The following LAMB2 variants were observed in gnomAD, a reference collection of about 807,000 sequenced individuals.
LAMB2 encodes the protein laminin subunit beta 2, also known as laminin subunit beta-2.
A neutral mutation model predicts 202.7 loss-of-function variants in LAMB2; 119 were observed. That is an observed-to-expected ratio of 0.59 (90% CI 0.51 to 0.68). The LOEUF (loss-of-function observed/expected upper bound fraction) is 0.68, where lower values mean the gene tolerates loss of function less well. LAMB2 is among the 30% of genes least tolerant of loss of function. The pLI, the probability that LAMB2 is intolerant of heterozygous loss-of-function variation, is 0.00. For missense variants in LAMB2, 2,124 were observed against 2,410.6 expected (o/e 0.88, Z 2.49); for synonymous variants, 818 against 902.2 (o/e 0.91, Z 1.67).
In LAMB2 at chr3:49,129,588, C is replaced by T. The variant is rs1308218003; in HGVS notation, c.1518+16G>A. On this transcript the variant is annotated intron_variant, in intron 11 of 31. Coordinates refer to ENST00000305544, the MANE Select transcript of LAMB2 (RefSeq NM_002292.4). The surrounding 1 kb of genome is among the most constrained non-coding windows in gnomAD (Gnocchi z 6.1). ...ACAAATCATGCCCCTAGAACTCCAGCCCCTTCCAGTCGCACCAGGCAGCGG... is the reference window on the plus strand; with the variant it reads ...ACAAATCATGCCCCTAGAACTCCAGTCCCTTCCAGTCGCACCAGGCAGCGG... 8.1e-6 allele frequency: 13 copies of T among 1,595,684 alleles called. No homozygotes were observed. The highest frequency in any genetic ancestry group is 1.1e-5 in the Non-Finnish European group (13 of 1,163,628).
At chr3:49,124,161 A>G in intron 23 of LAMB2, 29 bp downstream of exon 23, 1 of 1,614,118 alleles carries the variant, frequency 6.2e-7, no homozygotes, top group Non-Finnish European at 8.5e-7. Context: ...GAAGTCCTCC[A>G]TCTACCCTGG....
chr3:49,132,857 G>A lies in LAMB2; in HGVS notation c.11C>T (p.Thr4Ile), dbSNP rs775246296. Residue 4 changes from threonine to isoleucine, a missense_variant, in exon 1 of 32, where the codon ACC becomes ATC. Physicochemically the swap from Thr to Ile is moderately conservative, Grantham distance 89 (BLOSUM62 -1). This residue lies in a region of LAMB2 where 166 missense variants were observed against 158.2 expected (regional missense o/e 1.05). Coordinates refer to ENST00000305544, the MANE Select transcript of LAMB2 (RefSeq NM_002292.4). This position sits in a 1 kb window ranked among gnomAD's most constrained non-coding sequence, Gnocchi z 4.6. MEL[T>I]SRERGRGQPL... is the part of the protein sequence containing the mutation. ...CTGTCCCCTCCCTCTTTCCCTTGAG[G>A]TCAGCTCCATCCTGAAGAGGGGAAC... is the stretch of plus-strand genomic sequence containing the variant. The A allele has an allele frequency of 4.3e-6, 7 of 1,614,110 alleles. No individual in the cohort carries two copies. Among genetic ancestry groups the A allele is most frequent in the South Asian group, 1.1e-5 (1 of 91,086 alleles).
chr3:49,132,308 G>A lies in LAMB2; in HGVS notation c.347C>T (p.Ala116Val). Reference sequence around the variant, plus strand: ...CCACCAGGCTGCCCGCCGCTGTGGTGCAAAGCTGGTGACTACATTCTGGAT... The same window carrying A: ...CCACCAGGCTGCCCGCCGCTGTGGTACAAAGCTGGTGACTACATTCTGGAT... ...HRIQNVVTSFAPQRRAAWWQS... is the reference protein window; with the variant it reads ...HRIQNVVTSFVPQRRAAWWQS... The change falls in exon 3 of 32, where the codon GCA (alanine) becomes GTA (valine). Residue 116 changes from alanine (A) to valine (V), a missense_variant. Physicochemically the swap from Ala to Val is moderately conservative, Grantham distance 64 (BLOSUM62 0). Around this residue, in one of 3 missense-constraint regions of LAMB2, gnomAD observed 166 missense variants for 158.2 expected, o/e 1.05. Coordinates refer to ENST00000305544, the MANE Select transcript of LAMB2 (RefSeq NM_002292.4). This position sits in a 1 kb window ranked among gnomAD's most constrained non-coding sequence, Gnocchi z 4.6. 6.2e-7 allele frequency: 1 copy of A among 1,614,246 alleles called. No individual in the cohort carries two copies. Among genetic ancestry groups the A allele is most frequent in the South Asian group, 1.1e-5 (1 of 91,088 alleles).
rs1466501861 is a variant in LAMB2 at position 49,123,540 on chromosome 3, G to A, written c.3889C>T (p.Leu1297=). 1 of 1,614,212 alleles carries A rather than the reference G, an allele frequency of 6.2e-7. No homozygotes were observed. Among genetic ancestry groups the A allele is most frequent in the Non-Finnish European group, 8.5e-7 (1 of 1,180,030 alleles). ...AGCCTATCTCGCTCCAGACCACTTAGTGCATGGTTGGCATTGAAGTTCTCA... is the reference window on the plus strand; with the variant it reads ...AGCCTATCTCGCTCCAGACCACTTAATGCATGGTTGGCATTGAAGTTCTCA... ...QDENFNANHA[L]SGLERDRLAL... is the part of the protein sequence containing the mutation. Residue 1297 remains leucine (L), a synonymous_variant, in exon 25 of 32, where the codon CTA becomes TTA. Transcript: ENST00000305544.
In LAMB2 at chr3:49,132,642, T is replaced by G; in HGVS notation, c.98A>C (p.Gln33Pro). 1 of 1,614,064 alleles carries G rather than the reference T, an allele frequency of 6.2e-7. No individual in the cohort carries two copies. Among genetic ancestry groups the G allele is most frequent in the Non-Finnish European group, 8.5e-7 (1 of 1,180,024 alleles). The change falls in exon 2 of 32, where the codon CAG (glutamine) becomes CCG (proline). Residue 33 changes from glutamine (Q) to proline (P), a missense_variant. Physicochemically the swap from Gln to Pro is moderately conservative, Grantham distance 76. Around this residue, in one of 3 missense-constraint regions of LAMB2, gnomAD observed 166 missense variants for 158.2 expected, o/e 1.05. Coordinates refer to ENST00000305544, the MANE Select transcript of LAMB2 (RefSeq NM_002292.4). The surrounding 1 kb of genome is among the most constrained non-coding windows in gnomAD (Gnocchi z 4.6). Reference sequence around the variant, plus strand: ...GCCAGGCACATCCGGGGCAGGGGCCTGTGCCAGTGTGGCAGCCAGCACTGG... The same window carrying G: ...GCCAGGCACATCCGGGGCAGGGGCCGGTGCCAGTGTGGCAGCCAGCACTGG... ...LLSVLAATLA[Q>P]APAPDVPGCS...
At chr3:49,125,228 C>A (rs767056623) in intron 19 of LAMB2, 25 bp downstream of exon 19, 1 of 1,613,714 alleles carries the variant, frequency 6.2e-7, no homozygotes, top group South Asian at 1.1e-5. Context: ...ACCAACCAAC[C>A]CACTCATAGC....
intron 16 of LAMB2, 43 bp downstream of exon 16, chr3:49,126,322 G>A: frequency 1.2e-6 from 2 of 1,613,798 alleles, no homozygotes; most frequent in Non-Finnish European, 1.7e-6. Flanking sequence ...CACACCACGG[G>A]CCCTGCCATC....
intron 13 of LAMB2, 54 bp from the exon 14 acceptor site, chr3:49,128,873 G>A: frequency 6.2e-7 from 1 of 1,602,244 alleles, no homozygotes; most frequent in Admixed American, 1.7e-5. Flanking sequence ...TGCCTCTTCT[G>A]CCACAGCCAG....
chr3:49,128,420 C>A (rs754153297), intron 15 of LAMB2, 38 bp downstream of exon 15: 27 of 1,607,306 alleles, frequency 1.7e-5, no homozygotes, highest in Non-Finnish European at 1.9e-5. Flanking sequence ...GGCCCCACAA[C>A]CCCCTGCCAT....
rs1452650324 is a variant in LAMB2, at chr3:49,130,709, CT to C, written c.1036+30del. On this transcript the variant is annotated intron_variant, in intron 8 of 31. Transcript: ENST00000305544. This position sits in a 1 kb window ranked among gnomAD's most constrained non-coding sequence, Gnocchi z 5.0. ...CAGGGCACAGCCAGGCTGCAGAGTG[CT>C]GGAGCTATGGAGGCCAAGATCTCAC... 2 of 1,612,934 alleles carry C rather than the reference CT, an allele frequency of 1.2e-6. No homozygotes were observed. The highest frequency in any genetic ancestry group is 1.7e-6 in the Non-Finnish European group (2 of 1,179,948).
chr3:49,132,314 C>G lies in LAMB2; in HGVS notation c.341G>C (p.Ser114Thr), dbSNP rs2045489904. 6.2e-7 allele frequency: 1 copy of G among 1,614,264 alleles called. No individual in the cohort carries two copies. ...GGCTGCCCGCCGCTGTGGTGCAAAGCTGGTGACTACATTCTGGATGCGATG... is the reference window on the plus strand; with the variant it reads ...GGCTGCCCGCCGCTGTGGTGCAAAGGTGGTGACTACATTCTGGATGCGATG... ...HSHRIQNVVT[S>T]FAPQRRAAWW... Residue 114 changes from serine to threonine, a missense_variant, in exon 3 of 32, where the codon AGC (serine) becomes ACC (threonine). Physicochemically the swap from Ser to Thr is moderately conservative, Grantham distance 58 (BLOSUM62 1). This residue lies in a region of LAMB2 where 166 missense variants were observed against 158.2 expected (regional missense o/e 1.05). Transcript: ENST00000305544. This position sits in a 1 kb window ranked among gnomAD's most constrained non-coding sequence, Gnocchi z 4.6.
Position 49,129,963 on chromosome 3 carries a change from A to G in LAMB2, c.1281T>C (p.Asp427=). The G allele has an allele frequency of 2.5e-6, 4 of 1,613,974 alleles. No individual in the cohort carries two copies. The highest frequency in any genetic ancestry group is 3.4e-6 in the Non-Finnish European group (4 of 1,179,976). ...SQDGGRCDSH[D]DPALGLVSGQ... The stretch of plus-strand genomic sequence containing the variant: ...CGGAGACCAGTCCCAGTGCAGGGTC[A>G]TCATGGGAATCACAGCGACCACCGT... The change falls in exon 10 of 32, where the codon GAT becomes GAC. Residue 427 remains aspartate, a synonymous_variant. Coordinates refer to ENST00000305544, the MANE Select transcript of LAMB2 (RefSeq NM_002292.4). This position sits in a 1 kb window ranked among gnomAD's most constrained non-coding sequence, Gnocchi z 6.1.
At position 49,122,799 on chromosome 3, in the gene LAMB2, G is replaced by A. The variant is rs2045357368; in HGVS notation, c.4478C>T (p.Ala1493Val). The A allele has an allele frequency of 1.9e-6, 3 of 1,613,736 alleles. No homozygotes were observed. The highest frequency in any genetic ancestry group is 2.2e-5 in the South Asian group (2 of 91,096). Reference sequence around the variant, plus strand: ...GGAAGCATTAGCCTTGTCCAGGGCTGCCTGGGCCCGCTGCTGTGCCTCGCT... The same window carrying A: ...GGAAGCATTAGCCTTGTCCAGGGCTACCTGGGCCCGCTGCTGTGCCTCGCT... ...QASEAQQRAQ[A>V]ALDKANASRG... is the part of the protein sequence containing the mutation. Residue 1493 changes from alanine (A) to valine (V), a missense_variant, in exon 27 of 32, where the codon GCA becomes GTA. Coordinates refer to ENST00000305544, the MANE Select transcript of LAMB2 (RefSeq NM_002292.4).
rs770986144 is a variant in LAMB2, at chr3:49,132,828, G to A, written c.40C>T (p.Leu14=). 5 of 1,614,172 alleles carry A rather than the reference G, an allele frequency of 3.1e-6. No homozygotes were observed. The Admixed American group carries it at 6.7e-5, about 22-fold the overall frequency. Residue 14 remains leucine, a synonymous_variant, in exon 1 of 32, where the codon CTG becomes TTG. Transcript: ENST00000305544. The surrounding 1 kb of genome is among the most constrained non-coding windows in gnomAD (Gnocchi z 4.6). ...TSRERGRGQP[L]PWELRLGLLL... is the part of the protein sequence containing the mutation. ...AGGCCCAGTCGAAGTTCCCAGGGCA[G>A]AGGCTGTCCCCTCCCTCTTTCCCTT...
intron 15 of LAMB2, among the ~76,000 whole-genome samples, chr3:49,127,997 T>G (rs2045436442): frequency 8.4e-6 from 1 of 119,424 alleles, no homozygotes. Flanking sequence ...TCCAGCCTGG[T>G]GACAGAGCGA....
In LAMB2 at chr3:49,128,989, C is replaced by T. The variant is rs766305729; in HGVS notation, c.1731+31G>A. ...CAGTCATAGACGTGTCCACCCACAT[C>T]CAGCCCTCTGCTTAGGGGGAGGCCC... is the stretch of plus-strand genomic sequence containing the variant. On this transcript the variant is annotated intron_variant, in intron 13 of 31. Transcript: ENST00000305544. The T allele has an allele frequency of 4.9e-5, 78 of 1,604,926 alleles. 1 individual carries two copies. In the Admixed American group the frequency reaches 1.3e-3, roughly 26 times the overall value.
chr3:49,131,154 T>G lies in LAMB2; in HGVS notation c.713-2A>C. The G allele has an allele frequency of 6.2e-7, 1 of 1,613,346 alleles. No homozygotes were observed. Among genetic ancestry groups the G allele is most frequent in the Non-Finnish European group, 8.5e-7 (1 of 1,179,974 alleles). On this transcript the variant is annotated splice_acceptor_variant, in intron 6 of 31. Coordinates refer to ENST00000305544, the MANE Select transcript of LAMB2 (RefSeq NM_002292.4). LOFTEE classifies it high-confidence loss of function. The surrounding 1 kb of genome is among the most constrained non-coding windows in gnomAD (Gnocchi z 5.0). ...GTAGGTTGGTGATCTTCAACAGGTC[T>G]GAGGCGGGGGAAGGGGGGCCAACTG...
At position 49,129,979 on chromosome 3, in the gene LAMB2, C is replaced by A; in HGVS notation, c.1265G>T (p.Arg422Leu). ...TGCAGGGTCATCATGGGAATCACAG[C>A]GACCACCGTCTTGAGAACCCATGGG... ...CDPMGSQDGGRCDSHDDPALG... is the reference protein window; with the variant it reads ...CDPMGSQDGGLCDSHDDPALG... The change falls in exon 10 of 32, where the codon CGC becomes CTC. Residue 422 changes from arginine to leucine, a missense_variant. This residue lies in a region of LAMB2 where 1,702 missense variants were observed against 1,896.3 expected (regional missense o/e 0.90). Transcript: ENST00000305544. This position sits in a 1 kb window ranked among gnomAD's most constrained non-coding sequence, Gnocchi z 6.1. The A allele has an allele frequency of 6.2e-7, 1 of 1,614,036 alleles. No homozygotes were observed. Among genetic ancestry groups the A allele is most frequent in the Non-Finnish European group, 8.5e-7 (1 of 1,180,018 alleles).
rs376211273 is a variant in LAMB2, at chr3:49,129,574, C to T, written c.1518+30G>A. On this transcript the variant is annotated intron_variant, in intron 11 of 31. Coordinates refer to ENST00000305544, the MANE Select transcript of LAMB2 (RefSeq NM_002292.4). This position sits in a 1 kb window ranked among gnomAD's most constrained non-coding sequence, Gnocchi z 6.1. ...CCTGTGCTCTAAGGACAAATCATGC[C>T]CCTAGAACTCCAGCCCCTTCCAGTC... 112 of 1,554,254 alleles carry T rather than the reference C, an allele frequency of 7.2e-5. No individual in the cohort carries two copies. The highest frequency in any genetic ancestry group is 9.7e-5 in the Non-Finnish European group (109 of 1,126,180).
Sources: allele counts gnomAD v4.1 joint callset (sites outside exome capture counted in the v4.1 genomes callset), GRCh38; gene constraint gnomAD v4.1.1; regional missense constraint gnomAD v4.1.1; non-coding constraint Gnocchi (gnomAD v3.1); transcripts MANE v1.5; gene names NCBI Gene and HGNC (gene_info 2026-07-23, HGNC 2026-07-21).